Variants in BMPR1B observed in about 807,000 individuals in gnomAD.
BMPR1B encodes bone morphogenetic protein receptor type 1B.
A neutral mutation model predicts 59.1 loss-of-function variants in BMPR1B; 12 were observed. The ratio of observed to expected loss-of-function variants is 0.20; its 90% CI spans 0.13 to 0.33. BMPR1B has a LOEUF of 0.33. BMPR1B is among the 10% of genes least tolerant of loss of function. The pLI, the probability that BMPR1B is intolerant of heterozygous loss-of-function variation, is 1.00. For synonymous variants in BMPR1B, 237 were observed against 207.3 expected, an observed-to-expected ratio of 1.14 and a Z score of -1.23; for missense variants, 550 against 610.9, an observed-to-expected ratio of 0.90 and a Z score of 1.05.
At chr4:94,913,552 T>C (rs1194648161) in intron 2 of BMPR1B, among the ~76,000 whole-genome samples, 1 of 152,170 alleles carries the variant, frequency 6.6e-6, no homozygotes, top group African/African-American at 2.4e-5. Flanking sequence ...TGCTAAAGAA[T>C]GGCAAGTGAT....
intron 3 of BMPR1B, among the ~76,000 whole-genome samples, chr4:95,035,766 CTT>C (rs985951230): frequency 5.3e-5 from 8 of 152,072 alleles, no homozygotes; most frequent in Non-Finnish European, 1.2e-4. Context: ...TATACAGACT[CTT>C]TTGTGGTTCC....
chr4:94,886,073 T>C (rs1309013657), intron 2 of BMPR1B, among the ~76,000 whole-genome samples: 1 of 152,124 alleles, frequency 6.6e-6, no homozygotes, highest in African/African-American at 2.4e-5. Flanking sequence ...TTTCCAAAAA[T>C]CCAGGTATAT....
chr4:95,061,531 C>CA (rs1235816178), intron 3 of BMPR1B, among the ~76,000 whole-genome samples: 1 of 151,844 alleles, frequency 6.6e-6, no homozygotes, highest in Non-Finnish European at 1.5e-5. Context: ...CAACCTAAAA[C>CA]AAAAAAGCAC....
chr4:94,978,412 C>T (rs1199137265), intron 2 of BMPR1B, among the ~76,000 whole-genome samples: 1 of 152,182 alleles, frequency 6.6e-6, no homozygotes, highest in Non-Finnish European at 1.5e-5. Context: ...CCAGGCATCT[C>T]TTTATTCGTG....
intron 3 of BMPR1B, among the ~76,000 whole-genome samples, chr4:95,074,325 A>G (rs937306009): frequency 6.6e-6 from 1 of 152,144 alleles, no homozygotes; most frequent in African/African-American, 2.4e-5. Flanking sequence ...TAGTTAATAC[A>G]TGAAAAATAC....
chr4:94,855,683 A>G (rs1199236147), intron 1 of BMPR1B, among the ~76,000 whole-genome samples: 1 of 152,212 alleles, frequency 6.6e-6, no homozygotes, highest in African/African-American at 2.4e-5. Flanking sequence ...AGGAATGTGC[A>G]TTGCTGCCAC....
intron 1 of BMPR1B, among the ~76,000 whole-genome samples, chr4:94,775,270 C>A (rs1172877920): frequency 6.6e-6 from 1 of 152,158 alleles, no homozygotes; most frequent in East Asian, 1.9e-4. Flanking sequence ...AGCACTCAGC[C>A]TGCTTTACCA....
chr4:95,082,840 C>A (rs1404200697), intron 3 of BMPR1B, among the ~76,000 whole-genome samples: 1 of 151,694 alleles, frequency 6.6e-6, no homozygotes, highest in Non-Finnish European at 1.5e-5. Flanking sequence ...AGATTGAGAC[C>A]ATCCTGGCTA....
chr4:94,894,593 T>G (rs1211047550), intron 2 of BMPR1B, among the ~76,000 whole-genome samples: 1 of 152,038 alleles, frequency 6.6e-6, no homozygotes, highest in Non-Finnish European at 1.5e-5. Context: ...AGGATTTCCT[T>G]TTGAGAATAC....
chr4:94,853,721 T>A (rs1725648232), intron 1 of BMPR1B, among the ~76,000 whole-genome samples: 2 of 152,096 alleles, frequency 1.3e-5, no homozygotes, highest in African/African-American at 4.8e-5. Context: ...CTTCAGACAC[T>A]CTCTGAAGGT....
At chr4:94,864,213 T>A (rs2148960123) in intron 1 of BMPR1B, among the ~76,000 whole-genome samples, 1 of 152,294 alleles carries the variant, frequency 6.6e-6, no homozygotes, top group African/African-American at 2.4e-5. Flanking sequence ...GTATAATTAC[T>A]GGGATTCAGT....
At chr4:95,130,877 A>G (rs997549251) in intron 9 of BMPR1B, among the ~76,000 whole-genome samples, 2 of 151,850 alleles carry the variant, frequency 1.3e-5, no homozygotes, top group Admixed American at 1.3e-4. Flanking sequence ...TCACAGGCAC[A>G]TGCCACCATG....
intron 2 of BMPR1B, among the ~76,000 whole-genome samples, chr4:94,948,858 G>C (rs1352886666): frequency 6.6e-6 from 1 of 152,182 alleles, no homozygotes; most frequent in Non-Finnish European, 1.5e-5. Context: ...GGGACGAGAG[G>C]TTGTGAGGCA....
Position 95,030,573 on chromosome 4 carries a change from T to C in BMPR1B, c.-18+34439T>C, listed in dbSNP as rs938387169. Among the ~76,000 whole-genome samples the C allele has an allele frequency of 6.6e-5, 10 of 152,028 alleles. No homozygotes were observed. The South Asian group carries it at 1.2e-3, about 19-fold the overall frequency. ...GGTATTCAATTAGGAAAAGAGGAAG[T>C]CAAATTGTTCCTGTTTGCAGATGAC... is the stretch of plus-strand genomic sequence containing the variant. On this transcript the variant is annotated intron_variant, in intron 3 of 12. Coordinates refer to ENST00000515059, the MANE Select transcript of BMPR1B (RefSeq NM_001203.3).
At chr4:94,844,037 T>C (rs1343259472) in intron 1 of BMPR1B, among the ~76,000 whole-genome samples, 3 of 152,180 alleles carry the variant, frequency 2.0e-5, no homozygotes, top group Admixed American at 2.0e-4. Flanking sequence ...AGATGTTGGT[T>C]AAAGGGTACG....
intron 1 of BMPR1B, among the ~76,000 whole-genome samples, chr4:94,855,140 G>C (rs1202686735): frequency 1.3e-5 from 2 of 152,064 alleles, no homozygotes; most frequent in Admixed American, 1.3e-4. Context: ...TTCTTTAAAG[G>C]AATTCTGGTT....
chr4:95,104,620 C>G (rs1051725586), intron 4 of BMPR1B, 53 bp downstream of exon 4: 63 of 1,592,646 alleles, frequency 4.0e-5, no homozygotes, highest in Admixed American at 1.5e-4. Flanking sequence ...CACACTTTTT[C>G]AACTATGCAA....
chr4:94,822,754 A>G (rs1724251537), intron 1 of BMPR1B, among the ~76,000 whole-genome samples: 2 of 152,038 alleles, frequency 1.3e-5, no homozygotes, highest in African/African-American at 2.4e-5. Flanking sequence ...CCAGGAATGC[A>G]CTCTGACTTA....
In BMPR1B at chr4:94,777,317, G is replaced by A. The variant is rs921004986; in HGVS notation, c.-183+19249G>A. 1.1e-4 allele frequency among the ~76,000 whole-genome samples: 17 copies of A among 152,106 alleles called. No homozygotes were observed. In the South Asian group the frequency reaches 3.5e-3, roughly 32 times the overall value. On this transcript the variant is annotated intron_variant, in intron 1 of 12. Transcript: ENST00000515059. ...AAATTTGAAGGACCCCAAAATGAAA[G>A]TAGTTTTGAATAGGTGAGAACCTGC...
Sources: gnomAD v4.1 joint callset for allele counts (sites outside exome capture counted in the v4.1 genomes callset) on GRCh38, gnomAD v4.1.1 for gene constraint, MANE v1.5 for transcripts, NCBI Gene and HGNC (gene_info 2026-07-23, HGNC 2026-07-21) for gene names.